The following PCDH15 variants were observed in gnomAD, a reference collection of about 807,000 sequenced individuals.
PCDH15 encodes protocadherin-15.
Under a neutral mutation model 178.5 loss-of-function variants are expected in PCDH15, and 129 were observed. The observed-to-expected ratio is 0.72, with a 90% confidence interval of 0.63 to 0.84. PCDH15 has a LOEUF of 0.84. Among genes scored for constraint, PCDH15 ranks in the 40% least tolerant of loss-of-function variants. The pLI is 0.00. For missense variants in PCDH15, 2,230 were observed against 2,099.9 expected (o/e 1.06, Z -1.21); for synonymous variants, 800 against 732.0 (o/e 1.09, Z -1.50).
intron 1 of PCDH15, among the ~76,000 whole-genome samples, chr10:54,759,299 T>C (rs1330161270): frequency 6.6e-6 from 1 of 152,132 alleles, no homozygotes; most frequent in Admixed American, 6.5e-5. Flanking sequence ...GGTTGCAAAA[T>C]GTGAGCATTT....
At chr10:55,238,709 CTTAAT>C (rs1841461141) in intron 1 of PCDH15, among the ~76,000 whole-genome samples, 1 of 151,428 alleles carries the variant, frequency 6.6e-6, no homozygotes, top group Non-Finnish European at 1.5e-5. Context: ...ACTTTTTTCT[CTTAAT>C]TTATATATAT....
At chr10:55,617,612 G>A (rs1159229828) in intron 2 of PCDH15, among the ~76,000 whole-genome samples, 2 of 151,980 alleles carry the variant, frequency 1.3e-5, no homozygotes, top group South Asian at 2.1e-4. Flanking sequence ...AACAATTAGT[G>A]CAAGCATATC....
intron 9 of PCDH15, among the ~76,000 whole-genome samples, chr10:54,214,348 A>T (rs573520815): frequency 6.6e-6 from 1 of 152,160 alleles, no homozygotes; most frequent in African/African-American, 2.4e-5. Context: ...AGGGAGAGTA[A>T]ATTTTTTATT....
At chr10:54,496,815 A>G (rs534834058) in intron 3 of PCDH15, among the ~76,000 whole-genome samples, 2 of 152,286 alleles carry the variant, frequency 1.3e-5, no homozygotes, top group South Asian at 4.1e-4. Context: ...TATGAAATGC[A>G]GTCACTTATC....
chr10:54,826,169 T>A (rs1439944239), intron 3 of PCDH15, among the ~76,000 whole-genome samples: 1 of 152,020 alleles, frequency 6.6e-6, no homozygotes, highest in Non-Finnish European at 1.5e-5. Flanking sequence ...TTTTTATATT[T>A]ACACCACAGG....
At chr10:54,315,795 C>T (rs1413782355) in intron 8 of PCDH15, among the ~76,000 whole-genome samples, 1 of 152,058 alleles carries the variant, frequency 6.6e-6, no homozygotes, top group Non-Finnish European at 1.5e-5. Context: ...AGTCTTTTTG[C>T]CACTACTTTT....
chr10:55,504,877 GA>G (rs1292411540), intron 2 of PCDH15, among the ~76,000 whole-genome samples: 1 of 151,284 alleles, frequency 6.6e-6, no homozygotes, highest in Non-Finnish European at 1.5e-5. Context: ...TATTTACTGA[GA>G]AATACTAGGA....
At chr10:55,544,176 T>TATATA in intron 2 of PCDH15, among the ~76,000 whole-genome samples, 1 of 90,904 alleles carries the variant, frequency 1.1e-5, no homozygotes, top group Non-Finnish European at 2.6e-5. Flanking sequence ...ATATATATAT[T>TATATA]ATACTGACAG....
chr10:54,697,903 A>T (rs1351728099), intron 1 of PCDH15, among the ~76,000 whole-genome samples: 3 of 152,122 alleles, frequency 2.0e-5, no homozygotes, highest in African/African-American at 7.2e-5. Flanking sequence ...TTACGATACT[A>T]TTTAGGCCAC....
chr10:55,232,508 T>C (rs1841255724), intron 1 of PCDH15, among the ~76,000 whole-genome samples: 2 of 152,144 alleles, frequency 1.3e-5, no homozygotes, highest in Admixed American at 1.3e-4. Flanking sequence ...CCCCACTTCC[T>C]GGAACTTACA....
intron 2 of PCDH15, among the ~76,000 whole-genome samples, chr10:55,586,922 T>C (rs1842736907): frequency 6.6e-6 from 1 of 152,122 alleles, no homozygotes; most frequent in Admixed American, 6.5e-5. Context: ...GTTATGTCAC[T>C]TGCATTGGGT....
At chr10:54,359,206 G>A (rs892899927) in intron 5 of PCDH15, among the ~76,000 whole-genome samples, 21 of 151,548 alleles carry the variant, frequency 1.4e-4, no homozygotes, top group Admixed American at 1.1e-3. Context: ...AATAAATTTG[G>A]TTCTCTATAT....
chr10:55,442,887 C>T (rs1839229430), intron 2 of PCDH15, among the ~76,000 whole-genome samples: 1 of 151,672 alleles, frequency 6.6e-6, no homozygotes, highest in Admixed American at 6.6e-5. Flanking sequence ...CGTTTTGTCC[C>T]AATTTTAAAA....
intron 2 of PCDH15, among the ~76,000 whole-genome samples, chr10:55,562,540 T>C (rs1422297454): frequency 2.0e-5 from 3 of 151,972 alleles, no homozygotes; most frequent in African/African-American, 7.2e-5. Flanking sequence ...AGTTGAGAAA[T>C]GTGTCGTACA....
chr10:54,208,407 T>C (rs1161094251), intron 10 of PCDH15, among the ~76,000 whole-genome samples: 2 of 152,064 alleles, frequency 1.3e-5, no homozygotes, highest in East Asian at 1.9e-4. Context: ...TAATCCACAA[T>C]GTAATGCAAT....
chr10:54,163,186 T>A (rs2045886434), intron 13 of PCDH15, among the ~76,000 whole-genome samples: 1 of 152,136 alleles, frequency 6.6e-6, no homozygotes, highest in African/African-American at 2.4e-5. Flanking sequence ...CACAATATAC[T>A]TGAATCGTAT....
chr10:54,385,441 A>C (rs574389425), intron 3 of PCDH15, among the ~76,000 whole-genome samples: 57 of 152,284 alleles, frequency 3.7e-4, no homozygotes, highest in African/African-American at 1.3e-3. Flanking sequence ...GACATATTTA[A>C]TAACCATACG....
intron 16 of PCDH15, among the ~76,000 whole-genome samples, chr10:54,084,660 C>A (rs2094490056): frequency 6.6e-6 from 1 of 152,006 alleles, no homozygotes; most frequent in Non-Finnish European, 1.5e-5. Context: ...CCAAACAAAA[C>A]AAGCTACCGA....
chr10:54,989,546 T>A (rs141296995), intron 2 of PCDH15, among the ~76,000 whole-genome samples: 5 of 152,280 alleles, frequency 3.3e-5, no homozygotes, highest in African/African-American at 1.2e-4. Context: ...AAGGAGGTCA[T>A]TTTTGAGCTT....
Sources: gnomAD v4.1 joint callset for allele counts (sites outside exome capture counted in the v4.1 genomes callset) on GRCh38, gnomAD v4.1.1 for gene constraint, MANE v1.5 for transcripts, NCBI Gene and HGNC (gene_info 2026-07-23, HGNC 2026-07-21) for gene names.